Variants in TMEFF2 observed in about 807,000 individuals in gnomAD.
TMEFF2 encodes tomoregulin-2.
Under a neutral mutation model 53.8 loss-of-function variants are expected in TMEFF2, and 28 were observed. The ratio of observed to expected loss-of-function variants is 0.52; its 90% CI spans 0.39 to 0.71. The LOEUF (loss-of-function observed/expected upper bound fraction) is 0.71, where lower values mean the gene tolerates loss of function less well. TMEFF2 is among the 30% of genes least tolerant of loss of function. TMEFF2 has a pLI of 0.00. For missense variants in TMEFF2, 353 were observed against 455.2 expected (o/e 0.78, Z 2.04); for synonymous variants, 162 against 166.3 (o/e 0.97, Z 0.20).
At chr2:192,043,543 C>T (rs1687537514) in intron 5 of TMEFF2, 1 of 152,218 alleles carries the variant, frequency 6.6e-6, no homozygotes, top group South Asian at 2.1e-4. Context: ...TCACTGTGGT[C>T]CACAGTCAGA....
chr2:192,015,148 A>G (rs959629513), intron 5 of TMEFF2, among the ~76,000 whole-genome samples: 1 of 152,140 alleles, frequency 6.6e-6, no homozygotes, highest in South Asian at 2.1e-4. Flanking sequence ...CCTAGTTAAC[A>G]TTAGGGATTG....
intron 4 of TMEFF2, among the ~76,000 whole-genome samples, chr2:192,119,677 G>A (rs1380082849): frequency 1.3e-5 from 2 of 152,196 alleles, no homozygotes; most frequent in African/African-American, 4.8e-5. Context: ...ATCTGTGTGA[G>A]AATGGAGGTT....
At chr2:192,070,034 A>G (rs185718571) in intron 4 of TMEFF2, among the ~76,000 whole-genome samples, 58,758 of 119,012 alleles carry the variant, frequency 0.49, 14,601 homozygotes, top group East Asian at 0.61. Context: ...ATATATATAT[A>G]TATATATATG....
chr2:192,169,098 C>A (rs563049851), intron 4 of TMEFF2, among the ~76,000 whole-genome samples: 3 of 152,076 alleles, frequency 2.0e-5, no homozygotes, highest in Non-Finnish European at 2.9e-5. Context: ...AAGCACCAGG[C>A]TTTCTTTTCT....
chr2:192,083,050 G>A (rs1242126597), intron 4 of TMEFF2, among the ~76,000 whole-genome samples: 4 of 147,412 alleles, frequency 2.7e-5, no homozygotes, highest in South Asian at 2.3e-4. Flanking sequence ...AAACATTTTC[G>A]TTAGGGACAC....
intron 7 of TMEFF2, among the ~76,000 whole-genome samples, chr2:191,976,087 CAG>C (rs1439783041): frequency 6.6e-6 from 1 of 152,188 alleles, no homozygotes; most frequent in African/African-American, 2.4e-5. Flanking sequence ...TGGTAATTGA[CAG>C]TGAATTTTTG....
intron 4 of TMEFF2, among the ~76,000 whole-genome samples, chr2:192,088,482 T>C (rs148299815): frequency 6.6e-6 from 1 of 152,184 alleles, no homozygotes; most frequent in African/African-American, 2.4e-5. Context: ...GCAGAAGCAA[T>C]GAGCAACACT....
intron 1 of TMEFF2, among the ~76,000 whole-genome samples, chr2:192,193,474 G>A (rs1000242035): frequency 1.3e-5 from 2 of 152,094 alleles, no homozygotes; most frequent in African/African-American, 2.4e-5. Flanking sequence ...GAAGGAACCC[G>A]AGCGAGCAAG....
At chr2:192,143,778 C>T (rs1488750515) in intron 4 of TMEFF2, among the ~76,000 whole-genome samples, 2 of 152,120 alleles carry the variant, frequency 1.3e-5, no homozygotes, top group Non-Finnish European at 2.9e-5. Context: ...CTGTAGCATT[C>T]CCTGCATTTA....
intron 7 of TMEFF2, among the ~76,000 whole-genome samples, chr2:191,966,349 C>A (rs544230386): frequency 6.6e-6 from 1 of 152,056 alleles, no homozygotes; most frequent in East Asian, 1.9e-4. Flanking sequence ...AACAGATCAT[C>A]GAGTTTTAAA....
At chr2:192,074,516 T>TA (rs1559114542) in intron 4 of TMEFF2, among the ~76,000 whole-genome samples, 2 of 151,962 alleles carry the variant, frequency 1.3e-5, no homozygotes, top group East Asian at 1.9e-4. Context: ...TTACTATTAT[T>TA]AAAACAAAAC....
chr2:192,132,035 A>C (rs113134848), intron 4 of TMEFF2, among the ~76,000 whole-genome samples: 1 of 151,994 alleles, frequency 6.6e-6, no homozygotes, highest in South Asian at 2.1e-4. Flanking sequence ...CTGTCCCCTC[A>C]GTCCCAACCC....
chr2:192,156,934 G>A (rs1264417735), intron 4 of TMEFF2, among the ~76,000 whole-genome samples: 1 of 151,990 alleles, frequency 6.6e-6, no homozygotes, highest in East Asian at 1.9e-4. Flanking sequence ...AGTCACATTT[G>A]AGAGCCTACT....
intron 7 of TMEFF2, among the ~76,000 whole-genome samples, chr2:191,972,328 T>G (rs1310667530): frequency 1.4e-5 from 2 of 143,006 alleles, no homozygotes; most frequent in Non-Finnish European, 3.1e-5. Flanking sequence ...TTTTTTTTTT[T>G]TTTTTTTGTA....
chr2:192,049,912 A>ACC (rs1687725657), intron 5 of TMEFF2, among the ~76,000 whole-genome samples: 1 of 152,076 alleles, frequency 6.6e-6, no homozygotes, highest in African/African-American at 2.4e-5. Flanking sequence ...GAGGCAGGGG[A>ACC]ATGGTGTGAA....
At chr2:192,055,269 T>C (rs1333416777) in intron 5 of TMEFF2, among the ~76,000 whole-genome samples, 1 of 152,216 alleles carries the variant, frequency 6.6e-6, no homozygotes. Context: ...TAGTCATTTA[T>C]TTTAGAGTAG....
intron 3 of TMEFF2, among the ~76,000 whole-genome samples, chr2:192,183,166 A>G (rs2106038654): frequency 6.6e-6 from 1 of 152,166 alleles, no homozygotes; most frequent in Admixed American, 6.6e-5. Flanking sequence ...CTTACAAACC[A>G]AAACCAAAAC....
intron 4 of TMEFF2, among the ~76,000 whole-genome samples, chr2:192,060,430 G>A (rs1269265726): frequency 1.3e-5 from 2 of 152,174 alleles, no homozygotes; most frequent in Non-Finnish European, 2.9e-5. Context: ...CTTTTAGCGG[G>A]TGGTGAAATT....
chr2:192,062,430 ACTGG>A, intron 4 of TMEFF2, among the ~76,000 whole-genome samples: 1 of 152,242 alleles, frequency 6.6e-6, no homozygotes, highest in Non-Finnish European at 1.5e-5. Context: ...TCAGTTACTG[ACTGG>A]AAATTATAAT....
Sources: gnomAD v4.1 joint callset for allele counts (sites outside exome capture counted in the v4.1 genomes callset) on GRCh38, gnomAD v4.1.1 for gene constraint, MANE v1.5 for transcripts, NCBI Gene and HGNC (gene_info 2026-07-23, HGNC 2026-07-21) for gene names.